SEMA3E: variants seen among roughly 807,000 people sequenced by gnomAD.
SEMA3E encodes the protein semaphorin-3E.
A neutral mutation model predicts 93.6 loss-of-function variants in SEMA3E; 49 were observed. The observed-to-expected ratio is 0.52, with a 90% CI of 0.42 to 0.66. SEMA3E has a LOEUF of 0.66. Ranked by LOEUF, SEMA3E falls within the 30% of genes least tolerant of loss-of-function variation. The probability of loss-of-function intolerance (pLI) is 0.00; values close to 1 mark genes in which losing one functional copy is unlikely to be tolerated. For missense variants in SEMA3E, 906 were observed against 964.8 expected (o/e 0.94, Z 0.81); for synonymous variants, 363 against 330.7 (o/e 1.10, Z -1.06).
intron 4 of SEMA3E, among the ~76,000 whole-genome samples, chr7:83,442,537 A>G (rs1456426426): frequency 2.0e-5 from 3 of 152,236 alleles, no homozygotes; most frequent in Admixed American, 6.5e-5. Flanking sequence ...TGGGAATCCT[A>G]TAGAAAGTTC....
intron 1 of SEMA3E, among the ~76,000 whole-genome samples, chr7:83,512,712 C>A (rs191189503): frequency 3.5e-4 from 53 of 152,208 alleles, no homozygotes; most frequent in Middle Eastern, 3.4e-3. Flanking sequence ...AATATCACAA[C>A]ATAGCTATTA....
At chr7:83,551,375 T>C (rs1463602342) in intron 1 of SEMA3E, among the ~76,000 whole-genome samples, 2 of 152,064 alleles carry the variant, frequency 1.3e-5, no homozygotes, top group South Asian at 2.1e-4. Context: ...TAAAAACACA[T>C]AGCTGAAAAA....
At chr7:83,468,539 G>A (rs1198153404) in intron 3 of SEMA3E, among the ~76,000 whole-genome samples, 2 of 151,424 alleles carry the variant, frequency 1.3e-5, no homozygotes, top group Admixed American at 6.6e-5. Context: ...ATGTGTGTTA[G>A]TCATTTATAT....
At chr7:83,440,326 TG>T (rs1433069722) in intron 4 of SEMA3E, among the ~76,000 whole-genome samples, 1 of 152,040 alleles carries the variant, frequency 6.6e-6, no homozygotes, top group Non-Finnish European at 1.5e-5. Context: ...TGGTCTGGTT[TG>T]GGAAAGGGAG....
chr7:83,370,256 A>G (rs911608185), intron 16 of SEMA3E, among the ~76,000 whole-genome samples: 2 of 152,204 alleles, frequency 1.3e-5, no homozygotes, highest in Non-Finnish European at 2.9e-5. Flanking sequence ...TTAAAGAAAC[A>G]TAAATAACCC....
chr7:83,595,404 C>T (rs983635413), intron 1 of SEMA3E, among the ~76,000 whole-genome samples: 14 of 152,022 alleles, frequency 9.2e-5, no homozygotes, highest in African/African-American at 2.7e-4. Context: ...TTTCCTCTGG[C>T]TTTCCCTAAC....
intron 1 of SEMA3E, among the ~76,000 whole-genome samples, chr7:83,617,518 T>TAATTTTATATA (rs1190958528): frequency 1.4e-5 from 2 of 143,806 alleles, no homozygotes; most frequent in Admixed American, 7.0e-5. Flanking sequence ...AAATAATATA[T>TAATTTTATATA]AATTTTATAT....
At chr7:83,590,097 A>C (rs1792727065) in intron 1 of SEMA3E, among the ~76,000 whole-genome samples, 1 of 152,084 alleles carries the variant, frequency 6.6e-6, no homozygotes, top group Admixed American at 6.6e-5. Flanking sequence ...GCTAGGAAAA[A>C]CAATTTTCTT....
intron 4 of SEMA3E, among the ~76,000 whole-genome samples, chr7:83,431,153 T>C (rs1788875108): frequency 6.6e-6 from 1 of 151,172 alleles, no homozygotes; most frequent in South Asian, 2.1e-4. Context: ...TATAGTAGGA[T>C]ATTTTTTTCT....
chr7:83,427,387 A>G (rs2713157), intron 4 of SEMA3E, among the ~76,000 whole-genome samples: 97,011 of 151,932 alleles, frequency 0.64, 33,394 homozygotes, highest in East Asian at 1. Context: ...GAAGCTACAC[A>G]TGACAGGAAG....
At chr7:83,583,859 G>T (rs749830166) in intron 1 of SEMA3E, among the ~76,000 whole-genome samples, 4 of 152,116 alleles carry the variant, frequency 2.6e-5, no homozygotes, top group Admixed American at 6.6e-5. Context: ...GCTTGATGCT[G>T]CCACAGCCGA....
chr7:83,500,431 G>A (rs892685649), intron 1 of SEMA3E, among the ~76,000 whole-genome samples: 3 of 151,702 alleles, frequency 2.0e-5, no homozygotes, highest in East Asian at 1.9e-4. Context: ...GCGAGACTCC[G>A]TCTCAAAAAA....
At chr7:83,406,325 T>C (rs572248581) in intron 7 of SEMA3E, among the ~76,000 whole-genome samples, 17 of 152,154 alleles carry the variant, frequency 1.1e-4, no homozygotes, top group African/African-American at 3.9e-4. Context: ...ATATTAATAC[T>C]GCAAACTCTC....
intron 1 of SEMA3E, chr7:83,616,714 T>G: frequency 2.2e-6 from 1 of 453,640 alleles, no homozygotes; most frequent in Non-Finnish European, 4.4e-6. Context: ...CTCTTCATTC[T>G]TCTTCTTTCT....
intron 1 of SEMA3E, among the ~76,000 whole-genome samples, chr7:83,502,549 C>A (rs992675376): frequency 6.6e-6 from 1 of 152,100 alleles, no homozygotes; most frequent in Non-Finnish European, 1.5e-5. Flanking sequence ...TGGATCTTCA[C>A]TCTGTCTTCC....
At chr7:83,510,866 C>A (rs1379452784) in intron 1 of SEMA3E, among the ~76,000 whole-genome samples, 3 of 152,124 alleles carry the variant, frequency 2.0e-5, no homozygotes, top group African/African-American at 7.2e-5. Context: ...TGAGATAACC[C>A]TCGTGGTGAA....
chr7:83,388,323 A>T (rs201223450), intron 14 of SEMA3E, among the ~76,000 whole-genome samples: 3 of 21,454 alleles, frequency 1.4e-4, no homozygotes, highest in Admixed American at 1.6e-3. Flanking sequence ...ATAAAAAAAT[A>T]AAAAAAAATA....
intron 1 of SEMA3E, among the ~76,000 whole-genome samples, chr7:83,635,806 GC>G (rs1793871845): frequency 6.6e-6 from 1 of 150,558 alleles, no homozygotes; most frequent in Non-Finnish European, 1.5e-5. Flanking sequence ...ACTACCAATA[GC>G]TGTGCTTTTA....
chr7:83,371,565 GTTGTT>G (rs1369528636), intron 16 of SEMA3E: 1 of 152,106 alleles, frequency 6.6e-6, no homozygotes, highest in Non-Finnish European at 1.5e-5. Flanking sequence ...GAATGTATGT[GTTGTT>G]TTATTCTTGT....
Sources: allele counts gnomAD v4.1 joint callset (sites outside exome capture counted in the v4.1 genomes callset), GRCh38; gene constraint gnomAD v4.1.1; transcripts MANE v1.5; gene names NCBI Gene and HGNC (gene_info 2026-07-23, HGNC 2026-07-21).